The following PRKACB variants were observed in gnomAD, a reference collection of about 807,000 sequenced individuals.
The protein encoded by PRKACB is protein kinase cAMP-activated catalytic subunit beta, also known as cAMP-dependent protein kinase catalytic subunit beta.
In PRKACB, 16 loss-of-function variants were observed where a neutral mutation model predicts 51.4. The observed-to-expected ratio is 0.31, with a 90% CI of 0.21 to 0.47. The LOEUF (loss-of-function observed/expected upper bound fraction) is 0.47, where lower values mean the gene tolerates loss of function less well. PRKACB is among the 20% of genes least tolerant of loss of function. The probability of loss-of-function intolerance (pLI) is 1.00; values close to 1 mark genes in which losing one functional copy is unlikely to be tolerated. For missense variants in PRKACB, 309 were observed against 464.5 expected, an observed-to-expected ratio of 0.67 and a Z score of 3.08; for synonymous variants, 147 against 154.4, an observed-to-expected ratio of 0.95 and a Z score of 0.35.
intron 1 of PRKACB, among the ~76,000 whole-genome samples, chr1:84,097,196 A>G (rs890651864): frequency 2.0e-5 from 3 of 151,980 alleles, no homozygotes; most frequent in Admixed American, 1.3e-4. Flanking sequence ...ACTTCTGTGA[A>G]CATTGTTGAC....
chr1:84,184,668 AT>A (rs1303390751), intron 4 of PRKACB, among the ~76,000 whole-genome samples: 46 of 151,904 alleles, frequency 3.0e-4, no homozygotes, highest in Non-Finnish European at 1.5e-5. Context: ...AAACATTTTA[AT>A]CTTTTTTCTC....
intron 1 of PRKACB, among the ~76,000 whole-genome samples, chr1:84,152,550 T>C (rs528255408): frequency 5.4e-4 from 83 of 152,342 alleles, no homozygotes; most frequent in Non-Finnish European, 1.5e-5. Context: ...ATCTTCTGGA[T>C]AACCTGGTGC....
intron 1 of PRKACB, among the ~76,000 whole-genome samples, chr1:84,086,402 C>T (rs926007007): frequency 6.6e-6 from 1 of 152,072 alleles, no homozygotes; most frequent in Non-Finnish European, 1.5e-5. Context: ...GCTGCTGATC[C>T]GGGGACTGCC....
intron 1 of PRKACB, among the ~76,000 whole-genome samples, chr1:84,081,849 C>T (rs1647562052): frequency 6.6e-6 from 1 of 152,192 alleles, no homozygotes; most frequent in Admixed American, 6.5e-5. Context: ...TCTTTCATGA[C>T]TGCAAGTCGT....
In PRKACB at chr1:84,235,846, A is replaced by G. The variant is rs1480278490; in HGVS notation, c.*541A>G. On this transcript the variant is annotated 3_prime_UTR_variant, in exon 10 of 10. Coordinates refer to ENST00000370685, the MANE Select transcript of PRKACB (RefSeq NM_182948.4). Reference sequence around the variant, plus strand: ...TCTTATCACCAAGGAAATTTATACAAATTAAGACTAACTTTCTTGGAATTC... The same window carrying G: ...TCTTATCACCAAGGAAATTTATACAGATTAAGACTAACTTTCTTGGAATTC... 6.5e-6 allele frequency: 1 copy of G among 152,950 alleles called. No homozygotes were observed. The highest frequency in any genetic ancestry group is 1.5e-5 in the Non-Finnish European group (1 of 68,300). The allele number at this position is 152,950 out of a possible 1,614,324, so 9.5% of individuals were successfully genotyped here.
At chr1:84,229,071 T>TCCCTCCC (rs1675136117) in intron 9 of PRKACB, among the ~76,000 whole-genome samples, 1 of 119,414 alleles carries the variant, frequency 8.4e-6, no homozygotes, top group Non-Finnish European at 1.7e-5. Flanking sequence ...CCCAATGCTA[T>TCCCTCCC]CCCTCCCCCC....
intron 8 of PRKACB, among the ~76,000 whole-genome samples, chr1:84,212,599 T>C (rs1672307151): frequency 6.6e-6 from 1 of 152,134 alleles, no homozygotes; most frequent in Non-Finnish European, 1.5e-5. Context: ...TCTGCCACTT[T>C]ATGGCCTGAT....
chr1:84,101,030 A>G (rs1428301935), intron 1 of PRKACB, among the ~76,000 whole-genome samples: 1 of 152,240 alleles, frequency 6.6e-6, no homozygotes, highest in East Asian at 1.9e-4. Context: ...TTCAATGATA[A>G]GAAACTCATT....
chr1:84,145,656 G>T (rs937728004), intron 1 of PRKACB, among the ~76,000 whole-genome samples: 2 of 151,974 alleles, frequency 1.3e-5, no homozygotes, highest in Non-Finnish European at 2.9e-5. Flanking sequence ...CCACTTAAAA[G>T]GTTTTGGGTT....
At chr1:84,204,501 A>ACC in intron 8 of PRKACB, 1 of 1,603,122 alleles carries the variant, frequency 6.2e-7, no homozygotes, top group Non-Finnish European at 8.5e-7. Flanking sequence ...TATGAACAAA[A>ACC]CAAAACTTTG....
At chr1:84,173,268 A>T in intron 1 of PRKACB, 2 of 1,364,862 alleles carry the variant, frequency 1.5e-6, no homozygotes, top group Non-Finnish European at 2.0e-6. Flanking sequence ...TAGATGGGTA[A>T]CTTCTTGTAG....
chr1:84,105,770 A>G (rs1180108384), intron 1 of PRKACB, among the ~76,000 whole-genome samples: 1 of 151,708 alleles, frequency 6.6e-6, no homozygotes, highest in African/African-American at 2.4e-5. Flanking sequence ...GAGAGATGGG[A>G]TTTTGACGTA....
intron 1 of PRKACB, among the ~76,000 whole-genome samples, chr1:84,161,261 C>T (rs1656154968): frequency 6.6e-6 from 1 of 151,706 alleles, no homozygotes; most frequent in Admixed American, 6.6e-5. Context: ...TCTATTTTGT[C>T]TAATATTGAT....
chr1:84,114,900 C>T (rs1344844261), intron 1 of PRKACB, among the ~76,000 whole-genome samples: 1 of 152,156 alleles, frequency 6.6e-6, no homozygotes, highest in Non-Finnish European at 1.5e-5. Context: ...ATATTGCATT[C>T]TGCATATATG....
intron 1 of PRKACB, among the ~76,000 whole-genome samples, chr1:84,098,816 A>G (rs1649121551): frequency 6.6e-6 from 1 of 152,122 alleles, no homozygotes; most frequent in South Asian, 2.1e-4. Context: ...CAAGTGGCTG[A>G]AAATGTATGC....
intron 1 of PRKACB, among the ~76,000 whole-genome samples, chr1:84,166,871 A>T (rs1657653858): frequency 6.6e-6 from 1 of 151,588 alleles, no homozygotes; most frequent in Admixed American, 6.6e-5. Context: ...AAAAAATCTC[A>T]TCCATGCCTA....
chr1:84,135,336 C>T (rs1043839843), intron 1 of PRKACB, among the ~76,000 whole-genome samples: 1 of 152,160 alleles, frequency 6.6e-6, no homozygotes, highest in Admixed American at 6.5e-5. Flanking sequence ...TAGTTGAAGA[C>T]TTCAACACTC....
chr1:84,193,460 C>T (rs771927275), intron 5 of PRKACB, among the ~76,000 whole-genome samples: 3 of 152,092 alleles, frequency 2.0e-5, no homozygotes, highest in Non-Finnish European at 2.9e-5. Context: ...TGCAAGGTAT[C>T]CACACAGACC....
intron 1 of PRKACB, among the ~76,000 whole-genome samples, chr1:84,136,863 A>G (rs1178318488): frequency 1.3e-5 from 2 of 152,182 alleles, no homozygotes; most frequent in African/African-American, 4.8e-5. Context: ...AAATCTCATC[A>G]TGAATTGTAA....
Sources: allele counts gnomAD v4.1 joint callset (sites outside exome capture counted in the v4.1 genomes callset), GRCh38; gene constraint gnomAD v4.1.1; transcripts MANE v1.5; gene names NCBI Gene and HGNC (gene_info 2026-07-23, HGNC 2026-07-21).